CREB5: variants seen among roughly 807,000 people sequenced by gnomAD.
CREB5 encodes cyclic AMP-responsive element-binding protein 5.
In CREB5, 19 loss-of-function variants were observed where a neutral mutation model predicts 57.1. The observed-to-expected ratio is 0.33, with a 90% CI of 0.23 to 0.49. The LOEUF is 0.49. Ranked by LOEUF, CREB5 falls within the 20% of genes least tolerant of loss-of-function variation. CREB5 has a pLI of 0.99. For missense variants in CREB5, 579 were observed against 671.6 expected (o/e 0.86, Z 1.52); for synonymous variants, 238 against 238.3 (o/e 1.00, Z 0.01).
At chr7:28,803,399 T>C (rs769312022) in intron 7 of CREB5, among the ~76,000 whole-genome samples, 8 of 152,206 alleles carry the variant, frequency 5.3e-5, no homozygotes, top group Admixed American at 3.9e-4. Context: ...AATTTGAAAT[T>C]ATTTATTCTC....
chr7:28,441,909 A>G (rs892982870), intron 1 of CREB5, among the ~76,000 whole-genome samples: 1 of 152,206 alleles, frequency 6.6e-6, no homozygotes, highest in African/African-American at 2.4e-5. Flanking sequence ...AATCAGGGTA[A>G]CTTGATCACC....
At chr7:28,403,549 T>C (rs1474267328) in intron 1 of CREB5, among the ~76,000 whole-genome samples, 3 of 152,144 alleles carry the variant, frequency 2.0e-5, no homozygotes, top group Admixed American at 1.3e-4. Context: ...ATTTTGTAGA[T>C]GAAGAATCTG....
Position 28,724,599 on chromosome 7 carries a change from G to A in CREB5, c.702+267G>A. ...TGGTAGATCCATACAAGTTGGGGTA[G>A]GATATACCCAAGCGTGTATATATTT... On this transcript the variant is annotated intron_variant, in intron 7 of 10. Coordinates refer to ENST00000357727, the MANE Select transcript of CREB5 (RefSeq NM_182898.4). 1.2e-5 allele frequency: 5 copies of A among 401,138 alleles called. No homozygotes were observed. In the South Asian group the frequency reaches 1.5e-4, roughly 12 times the overall value. 24.8% of individuals were successfully genotyped at this position (401,138 alleles called of 1,614,324 possible).
chr7:28,758,808 T>C (rs1805485846), intron 7 of CREB5, among the ~76,000 whole-genome samples: 1 of 152,196 alleles, frequency 6.6e-6, no homozygotes, highest in East Asian at 1.9e-4. Flanking sequence ...CTAGGAGAAA[T>C]TGTCAGAGCT....
At chr7:28,317,770 A>G (rs1015882964) in intron 1 of CREB5, among the ~76,000 whole-genome samples, 1 of 152,206 alleles carries the variant, frequency 6.6e-6, no homozygotes, top group African/African-American at 2.4e-5. Context: ...TGTGTTTTAT[A>G]TTATTGTTCC....
At chr7:28,522,873 G>A (rs1793270494) in intron 4 of CREB5, among the ~76,000 whole-genome samples, 1 of 152,176 alleles carries the variant, frequency 6.6e-6, no homozygotes, top group South Asian at 2.1e-4. Context: ...CCAAAGGCAT[G>A]TAACCCACCA....
At chr7:28,424,948 C>G (rs1020989456) in intron 1 of CREB5, among the ~76,000 whole-genome samples, 1 of 152,126 alleles carries the variant, frequency 6.6e-6, no homozygotes, top group African/African-American at 2.4e-5. Flanking sequence ...AAAAAGACAA[C>G]TCAGTTTAAA....
intron 5 of CREB5, among the ~76,000 whole-genome samples, chr7:28,666,411 T>C (rs1562559173): frequency 6.6e-6 from 1 of 152,176 alleles, no homozygotes; most frequent in Non-Finnish European, 1.5e-5. Context: ...GAGGTGTCAG[T>C]GATGATTCAG....
intron 1 of CREB5, among the ~76,000 whole-genome samples, chr7:28,343,039 C>T (rs1785967361): frequency 6.6e-6 from 1 of 151,998 alleles, no homozygotes; most frequent in African/African-American, 2.4e-5. Flanking sequence ...CTCCCGGGTT[C>T]ACACCATTCT....
upstream of CREB5, chr7:28,410,797 T>G (rs1293223336): frequency 2.9e-6 from 1 of 348,732 alleles, no homozygotes; most frequent in African/African-American, 2.2e-5. Context: ...CGGCTTGAGC[T>G]CCTCAAGGGT....
chr7:28,492,062 C>T (rs1321784179), intron 2 of CREB5, among the ~76,000 whole-genome samples: 1 of 152,128 alleles, frequency 6.6e-6, no homozygotes, highest in Non-Finnish European at 1.5e-5. Context: ...TGCAATGGCA[C>T]GACCTTGGCT....
At chr7:28,589,083 G>A (rs530955030) in intron 5 of CREB5, among the ~76,000 whole-genome samples, 3 of 152,160 alleles carry the variant, frequency 2.0e-5, no homozygotes, top group Non-Finnish European at 2.9e-5. Flanking sequence ...ACATAGAAAA[G>A]CATGAAGAAT....
At chr7:28,541,203 T>C (rs1794197049) in intron 4 of CREB5, among the ~76,000 whole-genome samples, 1 of 152,184 alleles carries the variant, frequency 6.6e-6, no homozygotes, top group Non-Finnish European at 1.5e-5. Flanking sequence ...GTATAAAAGC[T>C]TGTGAAAGTA....
chr7:28,336,899 C>A (rs1284228285), intron 1 of CREB5, among the ~76,000 whole-genome samples: 1 of 151,778 alleles, frequency 6.6e-6, no homozygotes, highest in Admixed American at 6.6e-5. Context: ...GTGTTTCCGT[C>A]ATCATTTGTT....
At chr7:28,763,051 A>G (rs1422942673) in intron 7 of CREB5, among the ~76,000 whole-genome samples, 1 of 152,216 alleles carries the variant, frequency 6.6e-6, no homozygotes, top group Non-Finnish European at 1.5e-5. Flanking sequence ...ATTGTAACAG[A>G]AAGAGGCCTA....
At chr7:28,362,522 T>C (rs1434316502) in intron 1 of CREB5, among the ~76,000 whole-genome samples, 1 of 152,226 alleles carries the variant, frequency 6.6e-6, no homozygotes, top group African/African-American at 2.4e-5. Context: ...GCATGAGAGA[T>C]TTAAACAGCT....
Position 28,381,277 on chromosome 7 carries a change from G to T in CREB5, c.-25+81836G>T, listed in dbSNP as rs373186994. ...CATCTTTTAACCCCAAGGAGGGAAG[G>T]GAGCCCATGTATATTGAGTGCCTTC... is the stretch of plus-strand genomic sequence containing the variant. On this transcript the variant is annotated intron_variant, in intron 1 of 9. Transcript: ENST00000396299. 3.6e-4 allele frequency among the ~76,000 whole-genome samples: 55 copies of T among 152,258 alleles called. 1 individual carries two copies. In the South Asian group the frequency reaches 6.4e-3, roughly 18 times the overall value.
intron 1 of CREB5, among the ~76,000 whole-genome samples, chr7:28,376,808 A>G (rs1335711402): frequency 2.0e-5 from 3 of 152,178 alleles, no homozygotes; most frequent in Non-Finnish European, 4.4e-5. Context: ...GGGCTCCACA[A>G]CAGAAGAAGC....
intron 1 of CREB5, among the ~76,000 whole-genome samples, chr7:28,315,562 A>G (rs142230123): frequency 1.4e-4 from 22 of 152,350 alleles, no homozygotes; most frequent in South Asian, 4.1e-4. Flanking sequence ...AACAGATTTC[A>G]TCATTGTGAG....
Sources: allele counts gnomAD v4.1 joint callset (sites outside exome capture counted in the v4.1 genomes callset), GRCh38; gene constraint gnomAD v4.1.1; transcripts MANE v1.5; gene names NCBI Gene and HGNC (gene_info 2026-07-23, HGNC 2026-07-21).